SLC19A3: variants seen among roughly 807,000 people sequenced by gnomAD.
SLC19A3 encodes the protein solute carrier family 19 member 3.
SLC19A3 carries 31 observed loss-of-function variants against 40.2 expected under a neutral mutation model. That is an observed-to-expected ratio of 0.77 (90% CI 0.58 to 1.04). The LOEUF (loss-of-function observed/expected upper bound fraction) is 1.04. Among genes scored for constraint, SLC19A3 ranks in the 50% least tolerant of loss-of-function variants. The pLI is 0.00. For missense variants in SLC19A3, 592 were observed against 596.7 expected (o/e 0.99, Z 0.08); for synonymous variants, 212 against 227.5 (o/e 0.93, Z 0.61).
chr2:227,714,836 A>G, intron 1 of SLC19A3, among the ~76,000 whole-genome samples: 1 of 111,934 alleles, frequency 8.9e-6, no homozygotes, highest in East Asian at 3.2e-4. Flanking sequence ...TTTGAGACAG[A>G]GTCTCCCTCT....
chr2:227,705,011 G>T (rs538409543), intron 1 of SLC19A3, among the ~76,000 whole-genome samples: 1 of 152,188 alleles, frequency 6.6e-6, no homozygotes, highest in Non-Finnish European at 1.5e-5. Context: ...CTCCAGAGTA[G>T]CTGGGATTAC....
At position 227,684,663 on chromosome 2, in the gene SLC19A3, G is replaced by A. The variant is rs1001263596; in HGVS notation, c.*2734C>T. ...TGTTTGTCTAATTGTGATGCCTAAT[G>A]CCTCCAGAATAATAAGTTAAAAAAG... On this transcript the variant is annotated 3_prime_UTR_variant, in exon 6 of 6. Transcript: ENST00000644224. The A allele has an allele frequency of 9.2e-5, 14 of 151,980 alleles. No homozygotes were observed. The highest frequency in any genetic ancestry group is 3.1e-4 in the African/African-American group (13 of 41,380). The allele number at this position is 151,980 out of a possible 1,614,324, so 9.4% of individuals were successfully genotyped here.
intron 2 of SLC19A3, among the ~76,000 whole-genome samples, chr2:227,700,502 T>C (rs111856941): frequency 0.078 from 11,893 of 151,978 alleles, 1,319 homozygotes; most frequent in African/African-American, 0.25. Context: ...TGTGCCACTG[T>C]ACTCCAGCCT....
rs550042562 is a variant in SLC19A3 at position 227,699,852 on chromosome 2, A to T, written c.151-288T>A. ...TATGTACAGTTGAGTAGATGAGTTA[A>T]AAAGTTTTTGGACACTTCTAAGATT... On this transcript the variant is annotated intron_variant, in intron 2 of 5. Coordinates refer to ENST00000644224, the MANE Select transcript of SLC19A3 (RefSeq NM_025243.4). Among the ~76,000 whole-genome samples the T allele has an allele frequency of 2.0e-5, 3 of 152,214 alleles. No individual in the cohort carries two copies. In the East Asian group the frequency reaches 5.8e-4, roughly 30 times the overall value.
intron 1 of SLC19A3, among the ~76,000 whole-genome samples, chr2:227,707,814 G>T (rs1053497959): frequency 1.3e-5 from 2 of 151,964 alleles, no homozygotes; most frequent in Non-Finnish European, 2.9e-5. Context: ...TACAACCTCT[G>T]CCTCCCAGGT....
At chr2:227,707,954 C>T (rs796641715) in intron 1 of SLC19A3, among the ~76,000 whole-genome samples, 22 of 152,278 alleles carry the variant, frequency 1.4e-4, no homozygotes, top group African/African-American at 4.8e-4. Flanking sequence ...GTGTTGAACT[C>T]CTGACCTCAG....
intron 1 of SLC19A3, 58 bp from the exon 2 acceptor site, chr2:227,702,378 G>T: frequency 6.5e-7 from 1 of 1,541,976 alleles, no homozygotes; most frequent in Non-Finnish European, 8.9e-7. Flanking sequence ...TAGCATCCTT[G>T]ATGCGATGAA....
At chr2:227,711,188 C>A (rs1696122548) in intron 1 of SLC19A3, among the ~76,000 whole-genome samples, 1 of 152,022 alleles carries the variant, frequency 6.6e-6, no homozygotes, top group African/African-American at 2.4e-5. Flanking sequence ...GAGGCTGAGA[C>A]AGGCAGATCA....
rs758704602 is a variant in SLC19A3, at chr2:227,703,441, C to T, written c.-2-1121G>A. ...ACCCCGACAGCTGCATAATTCCTCT[C>T]TTAAGTTCAATAGGGTAAACACTGT... On this transcript the variant is annotated intron_variant, in intron 1 of 5. Transcript: ENST00000644224. The surrounding 1 kb of genome is among the most constrained non-coding windows in gnomAD (Gnocchi z 4.7). Among the ~76,000 whole-genome samples, 16 of 152,124 alleles carry T rather than the reference C, an allele frequency of 1.1e-4. No homozygotes were observed. The highest frequency in any genetic ancestry group is 2.1e-4 in the Non-Finnish European group (14 of 68,032).
chr2:227,716,583 T>G (rs931854691), intron 1 of SLC19A3, among the ~76,000 whole-genome samples: 6 of 152,158 alleles, frequency 3.9e-5, no homozygotes, highest in Non-Finnish European at 7.4e-5. Flanking sequence ...ATAATGTAGC[T>G]TATTCTCTCC....
chr2:227,717,696 A>G (rs1338445756), intron 1 of SLC19A3, among the ~76,000 whole-genome samples: 1 of 152,066 alleles, frequency 6.6e-6, no homozygotes, highest in African/African-American at 2.4e-5. Flanking sequence ...GGGAATCATG[A>G]TTTTATTTAA....
At position 227,716,233 on chromosome 2, in the gene SLC19A3, T is replaced by C. The variant is rs558789364; in HGVS notation, c.-3+1710A>G. 2.2e-4 allele frequency among the ~76,000 whole-genome samples: 33 copies of C among 152,338 alleles called. No individual in the cohort carries two copies. In the South Asian group the frequency reaches 6.6e-3, roughly 31 times the overall value. On this transcript the variant is annotated intron_variant, in intron 1 of 5. Coordinates refer to ENST00000644224, the MANE Select transcript of SLC19A3 (RefSeq NM_025243.4). ...TCCCATGAAGGACAACAGTCTTCCT[T>C]TCCCCCATGGAAAACCAGTTTCAAT...
intron 1 of SLC19A3, among the ~76,000 whole-genome samples, chr2:227,704,050 T>G (rs1206135102): frequency 6.6e-6 from 1 of 152,220 alleles, no homozygotes; most frequent in Non-Finnish European, 1.5e-5. Context: ...TATTGCCTGG[T>G]CCACCACATT....
rs773702095 is a variant in SLC19A3 at position 227,688,296 on chromosome 2, G to A, written c.1184C>T (p.Ala395Val). 6.2e-7 allele frequency: 1 copy of A among 1,613,480 alleles called. No individual in the cohort carries two copies. Among genetic ancestry groups the A allele is most frequent in the South Asian group, 1.1e-5 (1 of 91,062 alleles). ...ATAGCGTTCCACATTCAGATTAACTGCAATCTGAAATCTATCATTAAACAT... is the reference window on the plus strand; with the variant it reads ...ATAGCGTTCCACATTCAGATTAACTACAATCTGAAATCTATCATTAAACAT... The part of the protein sequence containing the change: ...LLITIAVFQI[A>V]VNLNVERYAL... Residue 395 changes from alanine (A) to valine (V), a missense_variant, in exon 5 of 6, where the codon GCA becomes GTA. Transcript: ENST00000644224.
chr2:227,700,053 T>G (rs1695621351), intron 2 of SLC19A3, among the ~76,000 whole-genome samples: 1 of 152,062 alleles, frequency 6.6e-6, no homozygotes, highest in East Asian at 2.0e-4. Context: ...AATTTTTGTA[T>G]TTTAGAAGAG....
At chr2:227,700,640 A>G (rs574439179) in intron 2 of SLC19A3, among the ~76,000 whole-genome samples, 2 of 152,334 alleles carry the variant, frequency 1.3e-5, no homozygotes, top group East Asian at 3.9e-4. Context: ...ATGGGAAAAT[A>G]GGGAAAGAGT....
Position 227,688,216 on chromosome 2 carries a change from T to G in SLC19A3, c.1264A>C (p.Thr422Pro). ...FIALVIQTIM[T>P]VIVVDQRGLN... ...CCTCTCTGATCTACTACAATCACAG[T>G]CATGATGGTCTGAATCACCAAGGCA... The change falls in exon 5 of 6, where the codon ACT becomes CCT. Residue 422 changes from threonine to proline, a missense_variant. Transcript: ENST00000644224. 6.2e-7 allele frequency: 1 copy of G among 1,614,064 alleles called. No homozygotes were observed. Among genetic ancestry groups the G allele is most frequent in the Non-Finnish European group, 8.5e-7 (1 of 1,179,954 alleles).
intron 1 of SLC19A3, among the ~76,000 whole-genome samples, chr2:227,704,156 G>A (rs565388321): frequency 1.3e-4 from 20 of 152,252 alleles, no homozygotes; most frequent in Non-Finnish European, 2.5e-4. Flanking sequence ...TTGAAGAAGG[G>A]TAAGGGTGAA....
Position 227,715,165 on chromosome 2 carries a change from G to T in SLC19A3, c.-3+2778C>A, listed in dbSNP as rs146613163. Among the ~76,000 whole-genome samples the T allele has an allele frequency of 2.6e-5, 4 of 151,476 alleles. No homozygotes were observed. The East Asian group carries it at 7.9e-4, about 30-fold the overall frequency. The stretch of plus-strand genomic sequence containing the variant: ...AAAGTCACCTAATTTAGCTTCTATA[G>T]AATTTTGTGCTAAGTGACCTAGACT... On this transcript the variant is annotated intron_variant, in intron 1 of 5. Coordinates refer to ENST00000644224, the MANE Select transcript of SLC19A3 (RefSeq NM_025243.4).
Sources: allele counts gnomAD v4.1 joint callset (sites outside exome capture counted in the v4.1 genomes callset), GRCh38; gene constraint gnomAD v4.1.1; non-coding constraint Gnocchi (gnomAD v3.1); transcripts MANE v1.5; gene names NCBI Gene and HGNC (gene_info 2026-07-23, HGNC 2026-07-21).